UBXN4: variants seen among roughly 807,000 people sequenced by gnomAD.
UBXN4 encodes UBX domain protein 4.
In UBXN4, 35 loss-of-function variants were observed where a neutral mutation model predicts 66.2. The observed-to-expected ratio is 0.53, with a 90% CI of 0.40 to 0.70. The LOEUF is 0.70. Among genes scored for constraint, UBXN4 ranks in the 30% least tolerant of loss-of-function variants. UBXN4 has a pLI of 0.00. For missense variants in UBXN4, 533 were observed against 599.8 expected, an observed-to-expected ratio of 0.89 and a Z score of 1.16; for synonymous variants, 203 against 204.5, an observed-to-expected ratio of 0.99 and a Z score of 0.06.
intron 8 of UBXN4, among the ~76,000 whole-genome samples, chr2:135,772,151 C>T (rs922239294): frequency 2.0e-5 from 3 of 151,316 alleles, no homozygotes; most frequent in Non-Finnish European, 4.4e-5. Flanking sequence ...GAGACCCCAC[C>T]TCTACAAGAA....
At chr2:135,771,455 G>A (rs558419917) in intron 8 of UBXN4, among the ~76,000 whole-genome samples, 24 of 151,712 alleles carry the variant, frequency 1.6e-4, no homozygotes, top group Admixed American at 4.6e-4. Flanking sequence ...CAGCCTGGGC[G>A]ACAAAAAGCG....
In UBXN4 at chr2:135,757,496, T is replaced by C. The variant is rs372324460; in HGVS notation, c.508+1805T>C. Among the ~76,000 whole-genome samples the C allele has an allele frequency of 1.2e-3, 183 of 152,332 alleles. 5 individuals are homozygous for C. In the South Asian group the frequency reaches 0.028, roughly 23 times the overall value. On this transcript the variant is annotated intron_variant, in intron 5 of 12. Transcript: ENST00000272638. ...CCTCATTTGAGTTATAATGGCTGCT[T>C]TAAAGTCTTTGTCTGACAGTTTCAA...
chr2:135,761,153 A>C (rs1053449607), intron 5 of UBXN4, among the ~76,000 whole-genome samples: 9 of 152,230 alleles, frequency 5.9e-5, no homozygotes, highest in African/African-American at 2.2e-4. Context: ...AAAGACTGTA[A>C]AGAAGAATCA....
intron 1 of UBXN4, among the ~76,000 whole-genome samples, chr2:135,744,027 G>T (rs773732280): frequency 2.0e-5 from 3 of 152,140 alleles, no homozygotes; most frequent in Admixed American, 6.5e-5. Flanking sequence ...AGCTTTTTTA[G>T]AGCTTTAGCC....
In UBXN4 at chr2:135,772,498, A is replaced by G. The variant is rs751879915; in HGVS notation, c.901A>G (p.Lys301Glu). The G allele has an allele frequency of 1.2e-6, 2 of 1,614,092 alleles. No homozygotes were observed. The highest frequency in any genetic ancestry group is 2.2e-5 in the South Asian group (2 of 91,082). Residue 301 changes from lysine (K) to glutamate (E), a missense_variant, in exon 9 of 13, where the codon AAA (lysine) becomes GAA (glutamate). Physicochemically the swap from Lys to Glu is moderately conservative, Grantham distance 56. Coordinates refer to ENST00000272638, the MANE Select transcript of UBXN4 (RefSeq NM_014607.4). Reference protein sequence around the residue: ...EAAKAAALLAKQAEMEVKRES... With the variant: ...EAAKAAALLAEQAEMEVKRES... Reference sequence around the variant, plus strand: ...TGCCAAAGCTGCTGCCTTGCTAGCAAAACAGGCAGAAATGGAAGTCAAGAG... The same window carrying G: ...TGCCAAAGCTGCTGCCTTGCTAGCAGAACAGGCAGAAATGGAAGTCAAGAG...
In UBXN4 at chr2:135,784,929, C is replaced by CTCT. The variant is rs1278342746; in HGVS notation, c.*2044_*2046dup. The stretch of plus-strand genomic sequence containing the variant: ...TAAAATGAGAATTCTGCCCCCTCAC[C>CTCT]TCTTACCCCAGTACTATTCTCCAGA... On this transcript the variant is annotated 3_prime_UTR_variant, in exon 13 of 13. Coordinates refer to ENST00000272638, the MANE Select transcript of UBXN4 (RefSeq NM_014607.4). The CTCT allele has an allele frequency of 6.6e-6, 1 of 152,372 alleles. No individual in the cohort carries two copies. Among genetic ancestry groups the CTCT allele is most frequent in the Non-Finnish European group, 1.5e-5 (1 of 68,014 alleles). The allele number at this position is 152,372 out of a possible 1,614,324, so 9.4% of individuals were successfully genotyped here.
At chr2:135,742,546 C>G (rs376507631) in intron 1 of UBXN4, 1 of 152,900 alleles carries the variant, frequency 6.5e-6, no homozygotes, top group Non-Finnish European at 1.5e-5. Flanking sequence ...ACCAAGGACC[C>G]TCTTTGTGCT....
At chr2:135,779,211 T>G in intron 11 of UBXN4, 132 bp downstream of exon 11, 1 of 939,052 alleles carries the variant, frequency 1.1e-6, no homozygotes, top group Non-Finnish European at 1.5e-6. Context: ...GATCCAATAA[T>G]TAGATGAATT....
Position 135,741,934 on chromosome 2 carries a change from T to A in UBXN4, c.5T>A (p.Leu2Gln). ...CGCCTGGGCCCGAAGGGAGCGATGC[T>A]GTGGTTCCAGGGCGCCATTCCGGCC... Reference protein sequence around the residue: MLWFQGAIPAAI... With the variant: MQWFQGAIPAAI... The change falls in exon 1 of 13, where the codon CTG becomes CAG. Residue 2 changes from leucine to glutamine, a missense_variant. Physicochemically the swap from Leu to Gln is moderately radical, Grantham distance 113. Coordinates refer to ENST00000272638, the MANE Select transcript of UBXN4 (RefSeq NM_014607.4). 6.2e-7 allele frequency: 1 copy of A among 1,612,546 alleles called. No homozygotes were observed. The highest frequency in any genetic ancestry group is 1.3e-5 in the African/African-American group (1 of 74,980).
chr2:135,777,111 A>G (rs903917525), intron 10 of UBXN4, among the ~76,000 whole-genome samples: 1 of 152,234 alleles, frequency 6.6e-6, no homozygotes, highest in Non-Finnish European at 1.5e-5. Context: ...TTATTTGACA[A>G]TAGTATCTTC....
chr2:135,745,338 T>C (rs893332786), intron 1 of UBXN4, among the ~76,000 whole-genome samples: 1 of 152,228 alleles, frequency 6.6e-6, no homozygotes, highest in Non-Finnish European at 1.5e-5. Context: ...AGCTCTCTTA[T>C]CCTTTAGATT....
At position 135,755,587 on chromosome 2, in the gene UBXN4, C is replaced by T; in HGVS notation, c.404C>T (p.Ser135Phe). 2 of 1,610,322 alleles carry T rather than the reference C, an allele frequency of 1.2e-6. No homozygotes were observed. Among genetic ancestry groups the T allele is most frequent in the Non-Finnish European group, 1.7e-6 (2 of 1,178,132 alleles). The change falls in exon 5 of 13, where the codon TCT becomes TTT. Residue 135 changes from serine (S) to phenylalanine (F), a missense_variant. Around this residue, in one of 2 missense-constraint regions of UBXN4, gnomAD observed 529 missense variants for 580.1 expected, o/e 0.91. Transcript: ENST00000272638. ...SQSESSVSTPSASFEPNNTCE... is the reference protein window; with the variant it reads ...SQSESSVSTPFASFEPNNTCE... Reference sequence around the variant, plus strand: ...TCAGAAAGTTCAGTGTCTACTCCATCTGCGTCATTTGAACCTAACAACACT... The same window carrying T: ...TCAGAAAGTTCAGTGTCTACTCCATTTGCGTCATTTGAACCTAACAACACT...
At chr2:135,752,290 A>G (rs1367482709) in intron 2 of UBXN4, among the ~76,000 whole-genome samples, 2 of 152,122 alleles carry the variant, frequency 1.3e-5, no homozygotes, top group South Asian at 4.1e-4. Flanking sequence ...CTCATAATCC[A>G]CTTGCCTCGG....
At chr2:135,761,974 T>C in intron 6 of UBXN4, 63 bp downstream of exon 6, 7 of 1,462,342 alleles carry the variant, frequency 4.8e-6, no homozygotes, top group Non-Finnish European at 6.5e-6. Context: ...AGTTATTTCA[T>C]TAATTTGAAT....
rs149635729 is a variant in UBXN4, at chr2:135,766,401, A to G, written c.603-3368A>G. 5.2e-3 allele frequency among the ~76,000 whole-genome samples: 797 copies of G among 152,324 alleles called. 6 individuals carry two copies. The highest frequency in any genetic ancestry group is 0.018 in the African/African-American group (766 of 41,572). On this transcript the variant is annotated intron_variant, in intron 6 of 12. Transcript: ENST00000272638. ...CTCAATTGATACAGTAAGATTATCT[A>G]ATTTGTCCGTATTCAGATTTCCCAG... is the stretch of plus-strand genomic sequence containing the variant.
intron 1 of UBXN4, chr2:135,742,477 G>A (rs951639754): frequency 6.5e-6 from 1 of 154,082 alleles, no homozygotes; most frequent in African/African-American, 2.4e-5. Context: ...TCGTCGCCCC[G>A]AGCCTCTCCC....
chr2:135,751,915 C>G (rs1345309549), intron 2 of UBXN4, among the ~76,000 whole-genome samples: 1 of 152,132 alleles, frequency 6.6e-6, no homozygotes, highest in Non-Finnish European at 1.5e-5. Flanking sequence ...CTTATAAATT[C>G]TCTCTCCCAT....
intron 9 of UBXN4, among the ~76,000 whole-genome samples, chr2:135,773,973 A>G (rs923377250): frequency 3.9e-5 from 6 of 152,238 alleles, no homozygotes; most frequent in Admixed American, 2.0e-4. Flanking sequence ...TAACTGATCT[A>G]TAGATTCAAC....
At chr2:135,742,907 AACG>A (rs2105488165) in intron 1 of UBXN4, among the ~76,000 whole-genome samples, 1 of 152,292 alleles carries the variant, frequency 6.6e-6, no homozygotes, top group South Asian at 2.1e-4. Context: ...CGACTTTGAG[AACG>A]TTTATTAACT....
Sources: allele counts gnomAD v4.1 joint callset (sites outside exome capture counted in the v4.1 genomes callset), GRCh38; gene constraint gnomAD v4.1.1; regional missense constraint gnomAD v4.1.1; transcripts MANE v1.5; gene names NCBI Gene and HGNC (gene_info 2026-07-23, HGNC 2026-07-21).